The following PRRC2B variants were observed in gnomAD, a reference collection of about 807,000 sequenced individuals.
The protein encoded by PRRC2B is proline rich coiled-coil 2B.
A neutral mutation model predicts 242.3 loss-of-function variants in PRRC2B; 68 were observed. That is an observed-to-expected ratio of 0.28 (90% confidence interval 0.23 to 0.34). The LOEUF is 0.34. Ranked by LOEUF, PRRC2B falls within the 10% of genes least tolerant of loss-of-function variation. The pLI is 1.00. For missense variants in PRRC2B, 2,835 were observed against 2,954.8 expected (o/e 0.96, Z 0.94); for synonymous variants, 1,228 against 1,173.6 (o/e 1.05, Z -0.95).
Position 131,466,023 on chromosome 9 carries a change from G to C in PRRC2B, c.1720+945G>C, listed in dbSNP as rs193170498. Among the ~76,000 whole-genome samples the C allele has an allele frequency of 1.9e-3, 296 of 152,296 alleles. 1 individual carries two copies. Among genetic ancestry groups the C allele is most frequent in the African/African-American group, 6.8e-3 (282 of 41,560 alleles). On this transcript the variant is annotated intron_variant, in intron 12 of 31. Coordinates refer to ENST00000683519, the MANE Select transcript of PRRC2B (RefSeq NM_013318.4). ...TACAGGCGTGAGCCACTGTGCCTGG[G>C]CAACACGGCCCTATTTAAGAGTAAT...
At chr9:131,429,960 G>C in intron 1 of PRRC2B, 134 bp from the exon 2 acceptor site, 1 of 596,418 alleles carries the variant, frequency 1.7e-6, no homozygotes, top group Non-Finnish European at 3.0e-6. Flanking sequence ...ACAGTCCAAA[G>C]CCATCTTCAG....
At chr9:131,452,097 GTAAGATCAGTATAAGATTGGTA>G (rs1260072662) in intron 9 of PRRC2B, among the ~76,000 whole-genome samples, 2 of 4,390 alleles carry the variant, frequency 4.6e-4, no homozygotes, top group African/African-American at 7.3e-4. Flanking sequence ...TGGTATTTTT[GTAAGATCAGTATAAGATTGGTA>G]TTTTTGTAAG....
intron 9 of PRRC2B, among the ~76,000 whole-genome samples, chr9:131,453,797 G>T (rs148568689): frequency 2.0e-5 from 3 of 152,248 alleles, no homozygotes; most frequent in Non-Finnish European, 4.4e-5. Context: ...CTCCCAAAGC[G>T]CTGGGATTAC....
At chr9:131,472,890 T>G (rs1303942305) in intron 14 of PRRC2B, among the ~76,000 whole-genome samples, 1 of 152,228 alleles carries the variant, frequency 6.6e-6, no homozygotes, top group East Asian at 1.9e-4. Context: ...TTGGTCCTAT[T>G]GTTTTTCTTT....
intron 14 of PRRC2B, among the ~76,000 whole-genome samples, chr9:131,472,354 G>A (rs1438358650): frequency 2.0e-5 from 3 of 152,074 alleles, no homozygotes; most frequent in Non-Finnish European, 1.5e-5. Context: ...ATGCAGGTTG[G>A]AGTGCAGTGG....
At chr9:131,461,858 A>G (rs910282734) in intron 11 of PRRC2B, among the ~76,000 whole-genome samples, 2 of 152,296 alleles carry the variant, frequency 1.3e-5, no homozygotes, top group Admixed American at 1.3e-4. Context: ...CTTCTATTCC[A>G]CATTCTTATA....
chr9:131,495,677 CTA>C, intron 31 of PRRC2B, 61 bp from the exon 32 acceptor site: 1 of 1,559,398 alleles, frequency 6.4e-7, no homozygotes, highest in East Asian at 2.3e-5. Flanking sequence ...GTGGTGGGAA[CTA>C]TGTATCCAAA....
chr9:131,445,546 T>C (rs1308244804), intron 6 of PRRC2B, among the ~76,000 whole-genome samples: 1 of 152,186 alleles, frequency 6.6e-6, no homozygotes, highest in Admixed American at 6.5e-5. Context: ...AACGTAGACA[T>C]AGAAGAAGCT....
intron 1 of PRRC2B, among the ~76,000 whole-genome samples, chr9:131,406,432 T>C (rs1245656061): frequency 2.0e-5 from 3 of 152,140 alleles, no homozygotes; most frequent in African/African-American, 7.2e-5. Flanking sequence ...TTGGAAGGAA[T>C]GAAGGTAGGC....
At chr9:131,471,658 C>T (rs1341109112) in intron 14 of PRRC2B, among the ~76,000 whole-genome samples, 18 of 152,174 alleles carry the variant, frequency 1.2e-4, no homozygotes, top group Admixed American at 1.0e-3. Context: ...GGTTGTTTTT[C>T]CATAAAACGT....
intron 26 of PRRC2B, among the ~76,000 whole-genome samples, chr9:131,486,809 T>G (rs1487906245): frequency 6.6e-6 from 1 of 152,248 alleles, no homozygotes; most frequent in Non-Finnish European, 1.5e-5. Flanking sequence ...TATTGTTTGG[T>G]TACCAAGATT....
chr9:131,479,331 A>C lies in PRRC2B; in HGVS notation c.4838A>C (p.Gln1613Pro). The change falls in exon 19 of 32, where the codon CAA becomes CCA. Residue 1613 changes from glutamine (Q) to proline (P), a missense_variant. Physicochemically the swap from Gln to Pro is moderately conservative, Grantham distance 76. Around this residue, in one of 7 missense-constraint regions of PRRC2B, gnomAD observed 1,536 missense variants for 1,483.1 expected, o/e 1.04. Transcript: ENST00000683519. ...AAGCAGAACAACTTATGTCTGGAGC[A>C]AGGTGACGTGACCGTGCCTGGCAGC... Reference protein sequence around the residue: ...AKKQNNLCLEQGDVTVPGSSL... With the variant: ...AKKQNNLCLEPGDVTVPGSSL... 1.9e-6 allele frequency: 3 copies of C among 1,613,992 alleles called. No individual in the cohort carries two copies. The highest frequency in any genetic ancestry group is 2.5e-6 in the Non-Finnish European group (3 of 1,179,874).
At chr9:131,430,051 TTTC>T in intron 1 of PRRC2B, 40 bp from the exon 2 acceptor site, 1 of 677,530 alleles carries the variant, frequency 1.5e-6, no homozygotes. Context: ...CTTTTTTTTT[TTTC>T]TCTCTCTTTT....
chr9:131,385,600 G>A (rs558236768), intron 1 of PRRC2B, among the ~76,000 whole-genome samples: 2 of 150,804 alleles, frequency 1.3e-5, no homozygotes, highest in East Asian at 2.0e-4. Flanking sequence ...TTCCTTATCC[G>A]TAAAGTGGGA....
intron 2 of PRRC2B, 38 bp downstream of exon 2, chr9:131,430,297 C>A (rs563002932): frequency 4.7e-6 from 6 of 1,282,578 alleles, no homozygotes; most frequent in Non-Finnish European, 4.4e-6. Flanking sequence ...CTCAAACTTT[C>A]TCCGAGTGAC....
rs1943284968 is a variant in PRRC2B, at chr9:131,462,901, G to A, written c.1405-1862G>A. 3.6e-5 allele frequency among the ~76,000 whole-genome samples: 5 copies of A among 140,684 alleles called. No homozygotes were observed. In the South Asian group the frequency reaches 1.0e-3, roughly 29 times the overall value. The allele number at this position is 140,684 out of a possible 152,430, so 92.3% of individuals were successfully genotyped here. A position where few individuals can be genotyped will look rare whatever the true frequency, so the allele number is the denominator to read the frequency against. Reference sequence around the variant, plus strand: ...TTGCAGAACATTTAGTCTATAAAATGATTGCTAATTTCAGGGCCTTTTAGG... The same window carrying A: ...TTGCAGAACATTTAGTCTATAAAATAATTGCTAATTTCAGGGCCTTTTAGG... On this transcript the variant is annotated intron_variant, in intron 11 of 31. Transcript: ENST00000683519.
chr9:131,485,228 G>A (rs1943985633), intron 25 of PRRC2B, 88 bp downstream of exon 25: 4 of 1,149,752 alleles, frequency 3.5e-6, no homozygotes, highest in Non-Finnish European at 4.8e-6. Flanking sequence ...TCACCTCCTG[G>A]CCTTGTCTTA....
chr9:131,438,772 A>G (rs1234561019), intron 4 of PRRC2B, among the ~76,000 whole-genome samples: 2 of 151,964 alleles, frequency 1.3e-5, no homozygotes, highest in Non-Finnish European at 2.9e-5. Flanking sequence ...TTGTCTGTAG[A>G]GTGGGCCTGG....
At chr9:131,440,262 T>G (rs746371868) in intron 5 of PRRC2B, among the ~76,000 whole-genome samples, 3 of 152,188 alleles carry the variant, frequency 2.0e-5, no homozygotes, top group Non-Finnish European at 2.9e-5. Context: ...TTGTAACTGG[T>G]TCTTTGGCTT....
Sources: gnomAD v4.1 joint callset for allele counts (sites outside exome capture counted in the v4.1 genomes callset) on GRCh38, gnomAD v4.1.1 for gene constraint, gnomAD v4.1.1 regional missense constraint, MANE v1.5 for transcripts, NCBI Gene and HGNC (gene_info 2026-07-23, HGNC 2026-07-21) for gene names.